Variants in GRIK4 observed in about 807,000 individuals in gnomAD.
The protein encoded by GRIK4 is glutamate receptor ionotropic, kainate 4.
GRIK4 carries 40 observed loss-of-function variants against 104.9 expected under a neutral mutation model. The observed-to-expected ratio is 0.38, with a 90% CI of 0.30 to 0.50. GRIK4 has a LOEUF of 0.50. Among genes scored for constraint, GRIK4 ranks in the 20% least tolerant of loss-of-function variants. The pLI is 0.93. For missense variants in GRIK4, 1,047 were observed against 1,308.1 expected (o/e 0.80, Z 3.08); for synonymous variants, 485 against 524.9 (o/e 0.92, Z 1.04).
intron 3 of GRIK4, among the ~76,000 whole-genome samples, chr11:120,792,116 C>G (rs538134191): frequency 8.5e-5 from 13 of 152,272 alleles, no homozygotes; most frequent in African/African-American, 2.9e-4. Flanking sequence ...CTTGCTCAGC[C>G]TCTGCGTTCA....
intron 1 of GRIK4, among the ~76,000 whole-genome samples, chr11:120,600,038 G>A (rs1948862905): frequency 6.6e-6 from 1 of 152,194 alleles, no homozygotes; most frequent in Non-Finnish European, 1.5e-5. Flanking sequence ...CTCTAGAAGC[G>A]ACCTTGCCAT....
chr11:120,625,401 G>C (rs1288870630), intron 1 of GRIK4, among the ~76,000 whole-genome samples: 2 of 152,182 alleles, frequency 1.3e-5, no homozygotes. Flanking sequence ...GAAGCAGAAA[G>C]GAGGGAGAGC....
chr11:120,749,370 G>C (rs773054677), intron 3 of GRIK4, among the ~76,000 whole-genome samples: 8 of 152,172 alleles, frequency 5.3e-5, no homozygotes, highest in Non-Finnish European at 2.9e-5. Context: ...GGTGTCGGGA[G>C]AGGGGGCCAG....
chr11:120,774,912 C>CG (rs923849785), intron 3 of GRIK4, among the ~76,000 whole-genome samples: 19 of 152,080 alleles, frequency 1.2e-4, no homozygotes, highest in African/African-American at 4.6e-4. Context: ...CAGCAGAGGG[C>CG]CTACTGATGC....
chr11:120,846,961 T>G (rs1240183123), intron 8 of GRIK4, among the ~76,000 whole-genome samples: 1 of 152,162 alleles, frequency 6.6e-6, no homozygotes, highest in Admixed American at 6.5e-5. Context: ...GGAGCACCCC[T>G]GTCTTCTGAG....
intron 1 of GRIK4, among the ~76,000 whole-genome samples, chr11:120,548,867 GT>G (rs1948112177): frequency 1.3e-5 from 2 of 152,222 alleles, no homozygotes; most frequent in African/African-American, 4.8e-5. Context: ...AGAGAGGGCT[GT>G]CTTGCACAGG....
chr11:120,800,449 C>T (rs1160076910), intron 3 of GRIK4, among the ~76,000 whole-genome samples: 1 of 152,174 alleles, frequency 6.6e-6, no homozygotes, highest in Non-Finnish European at 1.5e-5. Context: ...TCATTCTGGT[C>T]GTGCTTCCCG....
At chr11:120,637,800 A>G (rs1949417516) in intron 1 of GRIK4, among the ~76,000 whole-genome samples, 1 of 152,016 alleles carries the variant, frequency 6.6e-6, no homozygotes, top group Non-Finnish European at 1.5e-5. Context: ...CCCTTTGCCT[A>G]CAGAACCATA....
At chr11:120,897,870 C>T (rs544547136) in intron 11 of GRIK4, among the ~76,000 whole-genome samples, 15 of 152,014 alleles carry the variant, frequency 9.9e-5, no homozygotes, top group African/African-American at 2.7e-4. Context: ...TTGAGATCTG[C>T]GTTCCTGGGT....
chr11:120,816,992 A>G (rs1468586075), intron 5 of GRIK4, among the ~76,000 whole-genome samples: 2 of 152,070 alleles, frequency 1.3e-5, no homozygotes, highest in Non-Finnish European at 2.9e-5. Context: ...CTCACGTGTA[A>G]TTTACATCTT....
In GRIK4 at chr11:120,956,882, C is replaced by T. The variant is rs755332868; in HGVS notation, c.1803C>T (p.Val601=). The part of the protein sequence containing the change: ...YSLGNSLWFP[V]GGFMQQGSTI... Reference sequence around the variant, plus strand: ...TGGGCAACAGCCTCTGGTTTCCGGTCGGGGGGTTCATGCAGCAAGGCTCCA... The same window carrying T: ...TGGGCAACAGCCTCTGGTTTCCGGTTGGGGGGTTCATGCAGCAAGGCTCCA... The change falls in exon 16 of 21, where the codon GTC becomes GTT. Residue 601 remains valine (V), a synonymous_variant. Transcript: ENST00000527524. The surrounding 1 kb of genome is among the most constrained non-coding windows in gnomAD (Gnocchi z 4.6). The T allele has an allele frequency of 1.2e-5, 20 of 1,613,570 alleles. No homozygotes were observed. Among genetic ancestry groups the T allele is most frequent in the African/African-American group, 6.7e-5 (5 of 74,936 alleles).
At chr11:120,683,344 A>G (rs1490473483) in intron 3 of GRIK4, among the ~76,000 whole-genome samples, 1 of 152,206 alleles carries the variant, frequency 6.6e-6, no homozygotes, top group Non-Finnish European at 1.5e-5. Flanking sequence ...ATGACCAAGT[A>G]GGTAGCCAAA....
intron 1 of GRIK4, among the ~76,000 whole-genome samples, chr11:120,594,233 T>C (rs1948772247): frequency 6.6e-6 from 1 of 152,220 alleles, no homozygotes; most frequent in Non-Finnish European, 1.5e-5. Flanking sequence ...ATCCCAGTAT[T>C]TTGGGAGGCC....
rs138645000 is a variant in GRIK4 at position 120,678,680 on chromosome 11, C to T, written c.82+18280C>T. Among the ~76,000 whole-genome samples, 32 of 151,768 alleles carry T rather than the reference C, an allele frequency of 2.1e-4. No individual in the cohort carries two copies. The East Asian group carries it at 6.2e-3, about 30-fold the overall frequency. ...ACGGAGTCTTGCTCCGTCATCCAGG[C>T]TGGAGTAAAGTGGCACGATCTTGGC... On this transcript the variant is annotated intron_variant, in intron 3 of 20. Transcript: ENST00000527524.
intron 9 of GRIK4, chr11:120,868,160 T>G (rs183178079): frequency 6.6e-6 from 1 of 152,262 alleles, no homozygotes; most frequent in African/African-American, 2.4e-5. Context: ...TATTTTCATG[T>G]CATGGGAGGG....
In GRIK4 at chr11:120,956,679, C is replaced by A; in HGVS notation, c.1701-101C>A. On this transcript the variant is annotated intron_variant, in intron 15 of 20. Coordinates refer to ENST00000527524, the MANE Select transcript of GRIK4 (RefSeq NM_014619.5). This position sits in a 1 kb window ranked among gnomAD's most constrained non-coding sequence, Gnocchi z 4.6. ...GCAAAGGGAAGTGGCTTGCCCAAGG[C>A]CACAGGCCGGTCTCAGAGGTGAGAC... is the stretch of plus-strand genomic sequence containing the variant. 1.3e-6 allele frequency: 1 copy of A among 788,574 alleles called. No homozygotes were observed. Among genetic ancestry groups the A allele is most frequent in the Non-Finnish European group, 1.9e-6 (1 of 539,070 alleles). The allele number at this position is 788,574 out of a possible 1,614,324, so 48.8% of individuals were successfully genotyped here.
intron 13 of GRIK4, among the ~76,000 whole-genome samples, chr11:120,916,451 A>C (rs1943106658): frequency 6.6e-6 from 1 of 152,170 alleles, no homozygotes; most frequent in Non-Finnish European, 1.5e-5. Flanking sequence ...AAGACTGGCA[A>C]CTCTTTGAAG....
At position 120,947,455 on chromosome 11, in the gene GRIK4, C is replaced by T. The variant is rs193233727; in HGVS notation, c.1591-5400C>T. 1.1e-4 allele frequency among the ~76,000 whole-genome samples: 17 copies of T among 151,296 alleles called. No homozygotes were observed. In the South Asian group the frequency reaches 3.4e-3, roughly 30 times the overall value. ...TAAATGCTGACATTAAATTAATGCA[C>T]GACATTGCTGGATATATTACCCGCT... On this transcript the variant is annotated intron_variant, in intron 14 of 20. Transcript: ENST00000527524.
intron 8 of GRIK4, among the ~76,000 whole-genome samples, chr11:120,852,392 A>G (rs933672813): frequency 6.6e-6 from 1 of 152,246 alleles, no homozygotes; most frequent in African/African-American, 2.4e-5. Flanking sequence ...GCTAAGCGCA[A>G]GTGTAGGATA....
Sources: allele counts gnomAD v4.1 joint callset (sites outside exome capture counted in the v4.1 genomes callset), GRCh38; gene constraint gnomAD v4.1.1; non-coding constraint Gnocchi (gnomAD v3.1); transcripts MANE v1.5; gene names NCBI Gene and HGNC (gene_info 2026-07-23, HGNC 2026-07-21).